The following ASXL3 variants were observed in gnomAD, a reference collection of about 807,000 sequenced individuals.
The protein encoded by ASXL3 is putative Polycomb group protein ASXL3.
A neutral mutation model predicts 170.6 loss-of-function variants in ASXL3; 34 were observed. That is an observed-to-expected ratio of 0.20 (90% CI 0.15 to 0.27). ASXL3 has a LOEUF of 0.27. ASXL3 is among the 10% of genes least tolerant of loss of function. ASXL3 has a pLI of 1.00. For missense variants in ASXL3, 2,592 were observed against 2,695.3 expected (o/e 0.96, Z 0.85); for synonymous variants, 1,002 against 989.1 (o/e 1.01, Z -0.24).
intron 4 of ASXL3, among the ~76,000 whole-genome samples, chr18:33,648,197 C>T (rs1385274330): frequency 6.6e-6 from 1 of 152,028 alleles, no homozygotes; most frequent in African/African-American, 2.4e-5. Context: ...AGCAGGATCA[C>T]TAACTACGAA....
chr18:33,685,180 GA>G (rs1316739184), intron 8 of ASXL3, among the ~76,000 whole-genome samples: 3 of 152,308 alleles, frequency 2.0e-5, no homozygotes, highest in Middle Eastern at 3.4e-3. Flanking sequence ...TGGGAAACAT[GA>G]AAGTAGAAAG....
At chr18:33,615,238 T>G (rs566011870) in intron 2 of ASXL3, among the ~76,000 whole-genome samples, 5 of 152,160 alleles carry the variant, frequency 3.3e-5, no homozygotes, top group Admixed American at 6.6e-5. Context: ...TAATTGCTGC[T>G]TCACTTTGCA....
chr18:33,609,929 C>T (rs182715798), intron 2 of ASXL3, among the ~76,000 whole-genome samples: 1 of 152,106 alleles, frequency 6.6e-6, no homozygotes, highest in Non-Finnish European at 1.5e-5. Context: ...AAATTTCCCC[C>T]TTCTTGTCAA....
chr18:33,745,403 C>G lies in ASXL3; in HGVS notation c.5555C>G (p.Pro1852Arg). 6.2e-7 allele frequency: 1 copy of G among 1,613,928 alleles called. No homozygotes were observed. The highest frequency in any genetic ancestry group is 8.5e-7 in the Non-Finnish European group (1 of 1,179,888). ...GAACCAGGAAAATTGTTGGTGGAGC[C>G]AGATGTTAAAGGGGTGCCTTGTGTC... is the stretch of plus-strand genomic sequence containing the variant. ...KCEPGKLLVE[P>R]DVKGVPCVIS... The change falls in exon 12 of 12, where the codon CCA (proline) becomes CGA (arginine). Residue 1852 changes from proline to arginine, a missense_variant. By Grantham distance (103) the Pro-to-Arg change is moderately radical (BLOSUM62 -2). This residue lies in a region of ASXL3 where 2,246 missense variants were observed against 2,219.6 expected (regional missense o/e 1.01). Transcript: ENST00000269197.
At chr18:33,705,458 A>G (rs1366909398) in intron 8 of ASXL3, among the ~76,000 whole-genome samples, 2 of 151,766 alleles carry the variant, frequency 1.3e-5, no homozygotes, top group Non-Finnish European at 3.0e-5. Flanking sequence ...AACTGTTACA[A>G]ACTTCTAATT....
chr18:33,692,472 T>A (rs1198417981), intron 8 of ASXL3, among the ~76,000 whole-genome samples: 2 of 152,134 alleles, frequency 1.3e-5, no homozygotes, highest in Admixed American at 6.5e-5. Context: ...CAGGGATGCT[T>A]TTGGCAAGAC....
chr18:33,707,503 A>G (rs2066981044), intron 8 of ASXL3, among the ~76,000 whole-genome samples: 1 of 134,628 alleles, frequency 7.4e-6, no homozygotes. Context: ...TTTTGTTGAT[A>G]TACAAATCAA....
At chr18:33,595,063 A>G (rs2065113360) in intron 1 of ASXL3, among the ~76,000 whole-genome samples, 1 of 152,158 alleles carries the variant, frequency 6.6e-6, no homozygotes, top group Non-Finnish European at 1.5e-5. Flanking sequence ...CTGTGGTCTA[A>G]ACTCTAAACT....
In ASXL3 at chr18:33,680,065, G is replaced by A. The variant is rs147902339; in HGVS notation, c.716-3340G>A. Among the ~76,000 whole-genome samples the A allele has an allele frequency of 1.5e-4, 23 of 150,766 alleles. 1 individual carries two copies. The highest frequency in any genetic ancestry group is 4.2e-4 in the South Asian group (2 of 4,774). ...TTTATTAATTTCATTATTTTTACACGTAAGCCTTTAATTTTCAATTTTTTT... is the reference window on the plus strand; with the variant it reads ...TTTATTAATTTCATTATTTTTACACATAAGCCTTTAATTTTCAATTTTTTT... On this transcript the variant is annotated intron_variant, in intron 7 of 11. Transcript: ENST00000269197.
chr18:33,708,485 A>G (rs1216516288), intron 8 of ASXL3, among the ~76,000 whole-genome samples: 2 of 152,080 alleles, frequency 1.3e-5, no homozygotes, highest in Admixed American at 1.3e-4. Flanking sequence ...TTCTTTGTAC[A>G]CTCTGACATG....
intron 4 of ASXL3, among the ~76,000 whole-genome samples, chr18:33,660,929 T>A (rs2066163327): frequency 6.6e-6 from 1 of 152,148 alleles, no homozygotes; most frequent in Non-Finnish European, 1.5e-5. Flanking sequence ...AGACATTGAT[T>A]CTCCTAAAAA....
intron 1 of ASXL3, among the ~76,000 whole-genome samples, chr18:33,581,370 T>C (rs1309685116): frequency 6.6e-6 from 1 of 152,046 alleles, no homozygotes; most frequent in East Asian, 1.9e-4. Flanking sequence ...CAATATGTGG[T>C]TTTTGCAATA....
At chr18:33,613,820 G>A (rs1039279267) in intron 2 of ASXL3, among the ~76,000 whole-genome samples, 2 of 152,052 alleles carry the variant, frequency 1.3e-5, no homozygotes, top group African/African-American at 4.8e-5. Context: ...ATTAATTAGG[G>A]AGGCTGAAGC....
chr18:33,722,341 G>A (rs1451671142), intron 8 of ASXL3, among the ~76,000 whole-genome samples: 2 of 152,114 alleles, frequency 1.3e-5, no homozygotes, highest in African/African-American at 2.4e-5. Flanking sequence ...AATTAGCCGA[G>A]TTGTGAATGG....
intron 2 of ASXL3, among the ~76,000 whole-genome samples, chr18:33,621,913 T>G (rs552028573): frequency 7.9e-5 from 12 of 152,156 alleles, no homozygotes; most frequent in Non-Finnish European, 1.5e-4. Flanking sequence ...TACATTATAT[T>G]TTATGTTTTC....
chr18:33,669,945 A>G (rs1366730663), intron 5 of ASXL3, among the ~76,000 whole-genome samples: 1 of 152,210 alleles, frequency 6.6e-6, no homozygotes, highest in Non-Finnish European at 1.5e-5. Flanking sequence ...TTACATTATC[A>G]TCACCGTGGT....
At chr18:33,729,515 T>C (rs1474092738) in intron 8 of ASXL3, among the ~76,000 whole-genome samples, 3 of 152,168 alleles carry the variant, frequency 2.0e-5, no homozygotes, top group African/African-American at 7.2e-5. Context: ...TCAGAAATGT[T>C]TGGTGTAGAC....
chr18:33,686,277 A>C (rs1018184226), intron 8 of ASXL3, among the ~76,000 whole-genome samples: 1 of 152,246 alleles, frequency 6.6e-6, no homozygotes, highest in Non-Finnish European at 1.5e-5. Context: ...CTTGTGGAAG[A>C]ATAACAGAAG....
chr18:33,677,937 T>C (rs1238075632), intron 7 of ASXL3, among the ~76,000 whole-genome samples: 3 of 152,202 alleles, frequency 2.0e-5, no homozygotes, highest in African/African-American at 7.2e-5. Context: ...TTGTGTAAGC[T>C]GAAGTGCAGT....
Sources: gnomAD v4.1 joint callset for allele counts (sites outside exome capture counted in the v4.1 genomes callset) on GRCh38, gnomAD v4.1.1 for gene constraint, gnomAD v4.1.1 regional missense constraint, MANE v1.5 for transcripts, NCBI Gene and HGNC (gene_info 2026-07-23, HGNC 2026-07-21) for gene names.